SPMIP2: variants seen among roughly 807,000 people sequenced by gnomAD.
The protein encoded by SPMIP2 is protein SPMIP2.
the SPMIP2 span, among the ~76,000 whole-genome samples, chr4:158,975,829 T>G: frequency 6.6e-6 from 1 of 152,214 alleles, no homozygotes; most frequent in Non-Finnish European, 1.5e-5. Flanking sequence ...TTTCTAGTTC[T>G]GTTAAGAAAG....
chr4:158,896,598 G>C, the SPMIP2 span, among the ~76,000 whole-genome samples: 1 of 152,150 alleles, frequency 6.6e-6, no homozygotes, highest in Non-Finnish European at 1.5e-5. Context: ...CCTCCTAAGA[G>C]ACTGGGGCCT....
the SPMIP2 span, among the ~76,000 whole-genome samples, chr4:158,958,072 G>A: frequency 6.6e-6 from 1 of 152,074 alleles, no homozygotes; most frequent in Non-Finnish European, 1.5e-5. Flanking sequence ...GCTCACTGCA[G>A]CCTCGACCTC....
chr4:159,041,731 GTT>G, the SPMIP2 span, among the ~76,000 whole-genome samples: 1 of 152,326 alleles, frequency 6.6e-6, no homozygotes, highest in African/African-American at 2.4e-5. Context: ...CCTCCCACCA[GTT>G]TAATTTTCTG....
At chr4:159,046,526 T>G in the SPMIP2 span, among the ~76,000 whole-genome samples, 1 of 152,170 alleles carries the variant, frequency 6.6e-6, no homozygotes, top group Admixed American at 6.5e-5. Flanking sequence ...GAACTTTCAG[T>G]TTTGGTGTTT....
At chr4:159,067,201 T>G in the SPMIP2 span, among the ~76,000 whole-genome samples, 1 of 151,004 alleles carries the variant, frequency 6.6e-6, no homozygotes, top group South Asian at 2.1e-4. Flanking sequence ...GACTCTAAAG[T>G]GTGAGAACAG....
chr4:158,987,827 T>C, the SPMIP2 span, among the ~76,000 whole-genome samples: 1 of 151,576 alleles, frequency 6.6e-6, no homozygotes, highest in Admixed American at 6.6e-5. Context: ...AACATCACAA[T>C]TAAAAGAATT....
chr4:158,947,692 A>G, the SPMIP2 span, among the ~76,000 whole-genome samples: 1 of 152,214 alleles, frequency 6.6e-6, no homozygotes, highest in Non-Finnish European at 1.5e-5. Flanking sequence ...TACTATATTG[A>G]TGAGTTAATC....
At chr4:159,017,356 T>TATAC in the SPMIP2 span, among the ~76,000 whole-genome samples, 1 of 149,318 alleles carries the variant, frequency 6.7e-6, no homozygotes, top group Non-Finnish European at 1.5e-5. Context: ...CACAAACACA[T>TATAC]ACACACACAC....
the SPMIP2 span, among the ~76,000 whole-genome samples, chr4:158,997,499 A>G: frequency 2.6e-5 from 4 of 152,304 alleles, no homozygotes; most frequent in Non-Finnish European, 5.9e-5. Context: ...GTGGGATTAC[A>G]GGTGTAAGCC....
At chr4:159,007,221 A>G in the SPMIP2 span, 1 of 1,378,028 alleles carries the variant, frequency 7.3e-7, no homozygotes, top group Non-Finnish European at 1.0e-6. Flanking sequence ...TCCTCTACAG[A>G]TTCTTGCCAC....
chr4:159,003,976 C>T, the SPMIP2 span, among the ~76,000 whole-genome samples: 59 of 152,168 alleles, frequency 3.9e-4, no homozygotes, highest in Non-Finnish European at 6.5e-4. Flanking sequence ...AGACTTTTGA[C>T]GAGTCATCAC....
chr4:159,012,954 G>GT, the SPMIP2 span, among the ~76,000 whole-genome samples: 3 of 152,098 alleles, frequency 2.0e-5, no homozygotes, highest in Non-Finnish European at 4.4e-5. Context: ...GCAATGTTGT[G>GT]TATTTGTTAC....
chr4:158,927,039 T>C, the SPMIP2 span, among the ~76,000 whole-genome samples: 1 of 152,216 alleles, frequency 6.6e-6, no homozygotes, highest in Non-Finnish European at 1.5e-5. Context: ...GGGTATTTAA[T>C]TGTCCAACTA....
chr4:158,964,284 C>A, the SPMIP2 span, among the ~76,000 whole-genome samples: 1 of 152,110 alleles, frequency 6.6e-6, no homozygotes, highest in Non-Finnish European at 1.5e-5. Context: ...AACAGAAGTA[C>A]AAGTTCAGCT....
At chr4:158,970,729 TCTA>T in the SPMIP2 span, among the ~76,000 whole-genome samples, 6,323 of 152,102 alleles carry the variant, frequency 0.042, 410 homozygotes, top group African/African-American at 0.14. Context: ...TTTTTCCTAT[TCTA>T]AAGCTCTAAG....
At chr4:159,010,723 T>C in the SPMIP2 span, among the ~76,000 whole-genome samples, 2 of 152,208 alleles carry the variant, frequency 1.3e-5, no homozygotes, top group Non-Finnish European at 2.9e-5. Context: ...CAGCCTGTTA[T>C]TGTGTCAGCT....
the SPMIP2 span, among the ~76,000 whole-genome samples, chr4:158,925,548 G>A: frequency 6.6e-5 from 10 of 152,144 alleles, no homozygotes; most frequent in Admixed American, 2.6e-4. Context: ...GGATGAAACT[G>A]TCACCTCAGA....
At chr4:159,035,466 A>C in the SPMIP2 span, among the ~76,000 whole-genome samples, 8 of 152,244 alleles carry the variant, frequency 5.3e-5, no homozygotes, top group Non-Finnish European at 1.2e-4. Flanking sequence ...CATTTCAAAA[A>C]GAATGTCTTG....
the SPMIP2 span, among the ~76,000 whole-genome samples, chr4:159,060,661 GAGA>G: frequency 6.6e-6 from 1 of 152,188 alleles, no homozygotes; most frequent in Admixed American, 6.5e-5. Flanking sequence ...CAGAGAGATG[GAGA>G]CCACAGTGTC....
Sources: gnomAD v4.1 joint callset for allele counts (sites outside exome capture counted in the v4.1 genomes callset) on GRCh38, gnomAD v4.1.1 for gene constraint, MANE v1.5 for transcripts, NCBI Gene and HGNC (gene_info 2026-07-23, HGNC 2026-07-21) for gene names.